The following DIPK1A variants were observed in gnomAD, a reference collection of about 807,000 sequenced individuals.
DIPK1A encodes family with sequence similarity 69 member A.
A neutral mutation model predicts 40.8 loss-of-function variants in DIPK1A; 27 were observed. The observed-to-expected ratio is 0.66, with a 90% CI of 0.49 to 0.91. The LOEUF is 0.91. Among genes scored for constraint, DIPK1A ranks in the 40% least tolerant of loss-of-function variants. The pLI is 0.00. For synonymous variants in DIPK1A, 166 were observed against 171.3 expected (o/e 0.97, Z 0.24); for missense variants, 412 against 505.7 (o/e 0.81, Z 1.78).
chr1:92,876,225 G>T, intron 2 of DIPK1A, 71 bp downstream of exon 2: 1 of 890,384 alleles, frequency 1.1e-6, no homozygotes, highest in Non-Finnish European at 1.6e-6. Flanking sequence ...AACATCATTA[G>T]TAAGTATGTA....
intron 1 of DIPK1A, among the ~76,000 whole-genome samples, chr1:92,899,680 G>T (rs1219191588): frequency 6.6e-6 from 1 of 152,004 alleles, no homozygotes; most frequent in African/African-American, 2.4e-5. Context: ...GTATTTTGTA[G>T]TGCTATGGTT....
At chr1:92,870,821 C>T (rs945563352) in intron 2 of DIPK1A, among the ~76,000 whole-genome samples, 7 of 152,170 alleles carry the variant, frequency 4.6e-5, no homozygotes, top group Admixed American at 4.6e-4. Flanking sequence ...TGGGAATCTG[C>T]TTCCACTGAC....
At chr1:92,865,117 C>T (rs1647475610) in intron 2 of DIPK1A, among the ~76,000 whole-genome samples, 1 of 149,830 alleles carries the variant, frequency 6.7e-6, no homozygotes, top group South Asian at 2.1e-4. Flanking sequence ...ATCCCAGCTA[C>T]TCAGGATATC....
At chr1:92,945,644 C>G (rs1417759939) in intron 1 of DIPK1A, among the ~76,000 whole-genome samples, 1 of 152,008 alleles carries the variant, frequency 6.6e-6, no homozygotes, top group Non-Finnish European at 1.5e-5. Context: ...AAAAGTATCT[C>G]ACTCCTTTTC....
chr1:92,904,760 C>T (rs975382058), intron 1 of DIPK1A, among the ~76,000 whole-genome samples: 1 of 151,924 alleles, frequency 6.6e-6, no homozygotes, highest in Admixed American at 6.6e-5. Flanking sequence ...CTTATTCATT[C>T]TAACTATATT....
chr1:92,886,781 T>C (rs1317846341), intron 1 of DIPK1A, among the ~76,000 whole-genome samples: 1 of 151,904 alleles, frequency 6.6e-6, no homozygotes, highest in Admixed American at 6.6e-5. Flanking sequence ...TAGTCAGGAG[T>C]TGGAAAACTA....
intron 1 of DIPK1A, among the ~76,000 whole-genome samples, chr1:92,909,167 T>C (rs553939258): frequency 6.6e-6 from 1 of 152,336 alleles, no homozygotes; most frequent in South Asian, 2.1e-4. Flanking sequence ...TAAAATGTTA[T>C]GACTACACCT....
At chr1:92,911,709 T>G (rs1425129421) in intron 1 of DIPK1A, among the ~76,000 whole-genome samples, 1 of 152,052 alleles carries the variant, frequency 6.6e-6, no homozygotes, top group East Asian at 1.9e-4. Flanking sequence ...ATATGAAAGT[T>G]ACATGTTTAG....
At chr1:92,846,581 T>C (rs1397930132) in intron 4 of DIPK1A, 2 of 436,658 alleles carry the variant, frequency 4.6e-6, no homozygotes, top group African/African-American at 4.1e-5. Context: ...CATTTTTAGC[T>C]ATCATAAATA....
At chr1:92,888,825 G>C (rs1207153219) in intron 1 of DIPK1A, among the ~76,000 whole-genome samples, 1 of 152,070 alleles carries the variant, frequency 6.6e-6, no homozygotes, top group East Asian at 1.9e-4. Flanking sequence ...TGAAAGATGT[G>C]TCCATTCAGC....
At chr1:92,956,947 C>T (rs151037854) in intron 1 of DIPK1A, among the ~76,000 whole-genome samples, 1 of 152,328 alleles carries the variant, frequency 6.6e-6, no homozygotes, top group Non-Finnish European at 1.5e-5. Context: ...CATGGGACTT[C>T]AAATTCCATT....
At chr1:92,914,310 G>T (rs555400625) in intron 1 of DIPK1A, among the ~76,000 whole-genome samples, 143 of 152,104 alleles carry the variant, frequency 9.4e-4, no homozygotes, top group African/African-American at 3.3e-3. Flanking sequence ...CTTGTTCTAG[G>T]TTGTCTTTGT....
intron 1 of DIPK1A, among the ~76,000 whole-genome samples, chr1:92,900,675 CA>C (rs1486873239): frequency 6.6e-6 from 1 of 152,072 alleles, no homozygotes; most frequent in Non-Finnish European, 1.5e-5. Flanking sequence ...TTCCAAATTG[CA>C]GCCCTACCCT....
chr1:92,848,190 C>T (rs1226485490), intron 3 of DIPK1A, among the ~76,000 whole-genome samples: 1 of 152,080 alleles, frequency 6.6e-6, no homozygotes, highest in African/African-American at 2.4e-5. Context: ...GATAGGTTGC[C>T]CCTCTTCTAC....
intron 1 of DIPK1A, among the ~76,000 whole-genome samples, chr1:92,917,379 C>T (rs544334785): frequency 2.6e-5 from 4 of 152,072 alleles, no homozygotes; most frequent in East Asian, 1.9e-4. Context: ...TGCACTATGT[C>T]GGTAGTGGGG....
chr1:92,896,360 A>G (rs1054127640), intron 1 of DIPK1A, among the ~76,000 whole-genome samples: 12 of 152,284 alleles, frequency 7.9e-5, no homozygotes, highest in Admixed American at 4.6e-4. Flanking sequence ...ACATATCTAC[A>G]ACTATCTGAT....
intron 4 of DIPK1A, chr1:92,836,940 A>C (rs867798079): frequency 4.3e-5 from 10 of 231,662 alleles, no homozygotes; most frequent in South Asian, 2.3e-4. Context: ...ACTTCTTAGG[A>C]ATATTTTAGC....
intron 1 of DIPK1A, among the ~76,000 whole-genome samples, chr1:92,921,125 C>T (rs1173024612): frequency 6.6e-6 from 1 of 151,986 alleles, no homozygotes; most frequent in Non-Finnish European, 1.5e-5. Flanking sequence ...AATGCAGAGC[C>T]AAAGAAATGC....
intron 1 of DIPK1A, among the ~76,000 whole-genome samples, chr1:92,960,252 C>G (rs1220251117): frequency 1.3e-5 from 2 of 152,076 alleles, no homozygotes; most frequent in Non-Finnish European, 2.9e-5. Flanking sequence ...ATACGTCACT[C>G]ATTTCAGGGT....
Sources: gnomAD v4.1 joint callset for allele counts (sites outside exome capture counted in the v4.1 genomes callset) on GRCh38, gnomAD v4.1.1 for gene constraint, MANE v1.5 for transcripts, NCBI Gene and HGNC (gene_info 2026-07-23, HGNC 2026-07-21) for gene names.